The following ADPGK variants were observed in gnomAD, a reference collection of about 807,000 sequenced individuals.
The protein encoded by ADPGK is ADP-dependent glucokinase.
Under a neutral mutation model 42.4 loss-of-function variants are expected in ADPGK, and 26 were observed. The observed-to-expected ratio is 0.61, with a 90% CI of 0.45 to 0.85. ADPGK has a LOEUF of 0.85. Among genes scored for constraint, ADPGK ranks in the 40% least tolerant of loss-of-function variants. ADPGK has a pLI of 0.00. For missense variants in ADPGK, 571 were observed against 627.0 expected (o/e 0.91, Z 0.95); for synonymous variants, 267 against 252.6 (o/e 1.06, Z -0.54).
At chr15:72,778,801 G>A (rs74988379) in intron 1 of ADPGK, among the ~76,000 whole-genome samples, 3 of 152,124 alleles carry the variant, frequency 2.0e-5, no homozygotes, top group South Asian at 2.1e-4. Flanking sequence ...GTAAAGAGGC[G>A]GGGGAAAAAT....
intron 4 of ADPGK, among the ~76,000 whole-genome samples, chr15:72,759,199 G>A (rs1286496216): frequency 2.0e-5 from 3 of 152,202 alleles, no homozygotes; most frequent in African/African-American, 7.2e-5. Context: ...GCCTCACAAA[G>A]TTCTGGGATT....
At chr15:72,775,141 A>T (rs1366622238) in intron 1 of ADPGK, 44 bp from the exon 2 acceptor site, 6 of 1,533,376 alleles carry the variant, frequency 3.9e-6, no homozygotes, top group Non-Finnish European at 5.4e-6. Flanking sequence ...AGAAGCACCA[A>T]GTAGCCATTT....
chr15:72,777,453 GT>G (rs1397185522), intron 1 of ADPGK, among the ~76,000 whole-genome samples: 1 of 152,172 alleles, frequency 6.6e-6, no homozygotes, highest in Non-Finnish European at 1.5e-5. Flanking sequence ...ACCGAGGCAG[GT>G]GGATCATGAG....
At chr15:72,762,710 G>GT (rs2066209878) in intron 3 of ADPGK, among the ~76,000 whole-genome samples, 1 of 152,196 alleles carries the variant, frequency 6.6e-6, no homozygotes, top group African/African-American at 2.4e-5. Context: ...GGCCAGGTGT[G>GT]GTGGCTCATG....
intron 1 of ADPGK, among the ~76,000 whole-genome samples, chr15:72,782,541 A>AAAC (rs1345491244): frequency 1.3e-5 from 2 of 150,976 alleles, no homozygotes; most frequent in East Asian, 1.9e-4. Flanking sequence ...AAAAAAAAAA[A>AAAC]AAAAAAACCC....
chr15:72,752,998 A>G, intron 6 of ADPGK, 103 bp from the exon 7 acceptor site: 1 of 1,233,648 alleles, frequency 8.1e-7, no homozygotes. Context: ...ACAGGCAGGC[A>G]GCTTTCTTCC....
At chr15:72,782,588 G>A (rs1045217942) in intron 1 of ADPGK, among the ~76,000 whole-genome samples, 12 of 148,038 alleles carry the variant, frequency 8.1e-5, no homozygotes, top group African/African-American at 3.0e-4. Flanking sequence ...TTTTAAAGCA[G>A]GCACTATGCT....
intron 1 of ADPGK, 51 bp from the exon 2 acceptor site, chr15:72,775,148 A>G (rs1418612666): frequency 1.2e-5 from 18 of 1,491,898 alleles, no homozygotes; most frequent in Non-Finnish European, 1.7e-5. Context: ...CCAAGTAGCC[A>G]TTTTGCATTT....
chr15:72,769,099 T>C (rs1474705121), intron 3 of ADPGK, among the ~76,000 whole-genome samples: 1 of 152,196 alleles, frequency 6.6e-6, no homozygotes, highest in Non-Finnish European at 1.5e-5. Context: ...ATATTATTCT[T>C]GGGCATTGAT....
At position 72,752,284 on chromosome 15, in the gene ADPGK, G is replaced by A. The variant is rs1329927950; in HGVS notation, c.*57C>T. On this transcript the variant is annotated 3_prime_UTR_variant, in exon 7 of 7. Coordinates refer to ENST00000456471, the MANE Select transcript of ADPGK (RefSeq NM_001365225.1). ...CTGTCTTCCAAACCACTTTCTTCCT[G>A]TAATTCTTAAGTTGGCTAGTTCTCC... The A allele has an allele frequency of 2.0e-5, 30 of 1,506,244 alleles. No homozygotes were observed. In the East Asian group the frequency reaches 5.7e-4, roughly 29 times the overall value. The allele number at this position is 1,506,244 out of a possible 1,614,324, so 93.3% of individuals were successfully genotyped here.
At chr15:72,764,678 T>C (rs1445372808) in intron 3 of ADPGK, among the ~76,000 whole-genome samples, 1 of 152,238 alleles carries the variant, frequency 6.6e-6, no homozygotes, top group Non-Finnish European at 1.5e-5. Flanking sequence ...AACAGCCTTC[T>C]GTTGGAGGGT....
intron 1 of ADPGK, among the ~76,000 whole-genome samples, chr15:72,780,089 G>C (rs1484036777): frequency 2.0e-5 from 3 of 151,866 alleles, no homozygotes; most frequent in Non-Finnish European, 4.4e-5. Flanking sequence ...GACAATATCT[G>C]TTATCTGCCT....
chr15:72,757,263 A>G (rs2066128486), intron 4 of ADPGK: 1 of 145,986 alleles, frequency 6.8e-6, no homozygotes, highest in Non-Finnish European at 1.5e-5. Flanking sequence ...TTGGAGCGCA[A>G]TGGCGCGACC....
intron 3 of ADPGK, among the ~76,000 whole-genome samples, chr15:72,769,445 G>A (rs542406144): frequency 2.6e-5 from 4 of 152,004 alleles, no homozygotes; most frequent in Non-Finnish European, 4.4e-5. Context: ...TCCCGGGTTC[G>A]AGCGATTCTC....
At chr15:72,754,709 G>T (rs761954113) in intron 6 of ADPGK, among the ~76,000 whole-genome samples, 1 of 152,138 alleles carries the variant, frequency 6.6e-6, no homozygotes, top group Admixed American at 6.6e-5. Context: ...TAACCATATG[G>T]CTATGAAAAG....
chr15:72,756,014 A>G, intron 5 of ADPGK: 1 of 685,480 alleles, frequency 1.5e-6, no homozygotes, highest in Non-Finnish European at 2.7e-6. Flanking sequence ...GGTTTAGCAC[A>G]GGATGCAGAG....
At chr15:72,759,662 A>G (rs1162040313) in intron 4 of ADPGK, among the ~76,000 whole-genome samples, 1 of 152,230 alleles carries the variant, frequency 6.6e-6, no homozygotes, top group African/African-American at 2.4e-5. Flanking sequence ...GTCTGTTTAG[A>G]TGCTTGAGTC....
chr15:72,760,330 C>T (rs527494512), intron 4 of ADPGK, 77 bp downstream of exon 4: 15 of 1,433,796 alleles, frequency 1.0e-5, no homozygotes, highest in South Asian at 3.3e-5. Context: ...GATAAATTTC[C>T]GGCACAGTCA....
chr15:72,783,712 T>C lies in ADPGK; in HGVS notation c.-21A>G. The C allele has an allele frequency of 1.4e-6, 2 of 1,447,850 alleles. No individual in the cohort carries two copies. Among genetic ancestry groups the C allele is most frequent in the East Asian group, 2.8e-5 (1 of 36,052 alleles). The allele number at this position is 1,447,850 out of a possible 1,614,324, so 89.7% of individuals were successfully genotyped here. The stretch of plus-strand genomic sequence containing the variant: ...GCCATGGGGACCCAGGCGCCGCACC[T>C]GCGCGAACCAACTCCTTTCCTAGCC... On this transcript the variant is annotated 5_prime_UTR_variant, in exon 1 of 7. Transcript: ENST00000456471.
Sources: allele counts gnomAD v4.1 joint callset (sites outside exome capture counted in the v4.1 genomes callset), GRCh38; gene constraint gnomAD v4.1.1; transcripts MANE v1.5; gene names NCBI Gene and HGNC (gene_info 2026-07-23, HGNC 2026-07-21).